TMEM26: variants seen among roughly 807,000 people sequenced by gnomAD.
TMEM26 encodes transmembrane protein 26.
In TMEM26, 38 loss-of-function variants were observed where a neutral mutation model predicts 28.8. The ratio of observed to expected loss-of-function variants is 1.32; its 90% CI spans 1.02 to 1.73. The LOEUF is 1.73. TMEM26 is among the 40% of genes most tolerant of loss of function. The pLI is 0.00. For missense variants in TMEM26, 518 were observed against 447.1 expected, an observed-to-expected ratio of 1.16 and a Z score of -1.43; for synonymous variants, 227 against 182.9, an observed-to-expected ratio of 1.24 and a Z score of -1.95.
At chr10:61,426,516 C>T (rs1426296163) in intron 4 of TMEM26, among the ~76,000 whole-genome samples, 1 of 151,622 alleles carries the variant, frequency 6.6e-6, no homozygotes, top group Non-Finnish European at 1.5e-5. Context: ...TCAATGTGAG[C>T]CAAAGGAAGG....
chr10:61,452,780 G>T, intron 1 of TMEM26, 111 bp downstream of exon 1: 2 of 1,339,352 alleles, frequency 1.5e-6, no homozygotes, highest in East Asian at 2.3e-5. Flanking sequence ...GAGGAAAAAC[G>T]GGGTCCAAAT....
rs1388819688 is a variant in TMEM26 at position 61,453,261 on chromosome 10, C to G, written c.-180G>C. On this transcript the variant is annotated 5_prime_UTR_variant, in exon 1 of 6. Transcript: ENST00000399298. ...ACTGGTGCGCGGCTCGCCCCTCCCC[C>G]AAACTTCCTGAGAACTCTTCAAAGA... The G allele has an allele frequency of 1.3e-5, 8 of 638,380 alleles. No individual in the cohort carries two copies. In the East Asian group the frequency reaches 1.9e-4, roughly 15 times the overall value. The allele number at this position is 638,380 out of a possible 1,614,324, so 39.5% of individuals were successfully genotyped here.
rs116457018 is a variant in TMEM26 at position 61,435,996 on chromosome 10, T to C, written c.270+174A>G. On this transcript the variant is annotated intron_variant, in intron 2 of 5. Transcript: ENST00000399298. ...TAAATGTAATTTTTTTATTGGAGTT[T>C]TTTTTTGGGGGGGCAAATCATGGAT... Among the ~76,000 whole-genome samples, 1,031 of 152,278 alleles carry C rather than the reference T, an allele frequency of 6.8e-3. 12 individuals are homozygous for C. The highest frequency in any genetic ancestry group is 0.024 in the African/African-American group (1,002 of 41,562).
intron 1 of TMEM26, among the ~76,000 whole-genome samples, chr10:61,438,044 T>G (rs1434009978): frequency 6.6e-6 from 1 of 152,142 alleles, no homozygotes; most frequent in African/African-American, 2.4e-5. Flanking sequence ...TTAGAATGAT[T>G]TTTTTAAAGG....
intron 5 of TMEM26, among the ~76,000 whole-genome samples, chr10:61,411,239 T>C (rs946247569): frequency 6.6e-6 from 1 of 152,178 alleles, no homozygotes; most frequent in African/African-American, 2.4e-5. Context: ...GGGCCACGGT[T>C]TCTTCCTTTG....
chr10:61,424,568 A>G (rs1271185726), intron 4 of TMEM26, among the ~76,000 whole-genome samples: 1 of 152,114 alleles, frequency 6.6e-6, no homozygotes, highest in Admixed American at 6.6e-5. Context: ...TTACAACTTG[A>G]AAAGAGAATT....
intron 2 of TMEM26, among the ~76,000 whole-genome samples, chr10:61,434,051 C>T (rs995194496): frequency 6.6e-6 from 1 of 152,158 alleles, no homozygotes; most frequent in Non-Finnish European, 1.5e-5. Context: ...TGATTATTAT[C>T]ACTCCCAAAA....
intron 4 of TMEM26, 49 bp downstream of exon 4, chr10:61,428,877 A>G (rs1385494026): frequency 2.0e-6 from 3 of 1,511,350 alleles, no homozygotes; most frequent in African/African-American, 1.4e-5. Flanking sequence ...AGACAGGTGC[A>G]TGGTCTTGAC....
At chr10:61,421,377 TA>T (rs1185446796) in intron 4 of TMEM26, among the ~76,000 whole-genome samples, 2 of 151,966 alleles carry the variant, frequency 1.3e-5, no homozygotes, top group African/African-American at 4.8e-5. Flanking sequence ...ATAATTACAT[TA>T]AATATTAATG....
At chr10:61,437,356 C>T (rs953550863) in intron 1 of TMEM26, among the ~76,000 whole-genome samples, 22 of 152,074 alleles carry the variant, frequency 1.4e-4, no homozygotes, top group South Asian at 4.1e-4. Flanking sequence ...TTTTACTTCC[C>T]GTAAAGCAGT....
chr10:61,419,899 G>A (rs1839715167), intron 4 of TMEM26, among the ~76,000 whole-genome samples: 1 of 152,064 alleles, frequency 6.6e-6, no homozygotes, highest in South Asian at 2.1e-4. Flanking sequence ...AAGCCAAAGA[G>A]GAAAGAAAAT....
chr10:61,452,859 C>A, intron 1 of TMEM26, 32 bp downstream of exon 1: 1 of 1,600,494 alleles, frequency 6.2e-7, no homozygotes. Context: ...CCTAGGGCCC[C>A]GTGCGCCCTC....
At chr10:61,421,981 T>A (rs1342321273) in intron 4 of TMEM26, among the ~76,000 whole-genome samples, 1 of 151,966 alleles carries the variant, frequency 6.6e-6, no homozygotes, top group Non-Finnish European at 1.5e-5. Context: ...AAAAAAGATA[T>A]CTCTATGCCA....
At chr10:61,428,189 G>T (rs1839862605) in intron 4 of TMEM26, among the ~76,000 whole-genome samples, 1 of 152,082 alleles carries the variant, frequency 6.6e-6, no homozygotes, top group African/African-American at 2.4e-5. Flanking sequence ...TATTTTTATG[G>T]CATAGTGCAA....
intron 4 of TMEM26, among the ~76,000 whole-genome samples, chr10:61,417,064 A>C (rs1839663466): frequency 6.6e-6 from 1 of 152,062 alleles, no homozygotes; most frequent in Non-Finnish European, 1.5e-5. Context: ...CAGACAGTAA[A>C]AATTCTCAGG....
chr10:61,435,343 G>C (rs533465593), intron 2 of TMEM26, among the ~76,000 whole-genome samples: 1 of 152,140 alleles, frequency 6.6e-6, no homozygotes, highest in Non-Finnish European at 1.5e-5. Flanking sequence ...ACCACGCCCA[G>C]ATAATTCTTG....
chr10:61,407,723 C>G lies in TMEM26; in HGVS notation c.*2599G>C, dbSNP rs1217763245. On this transcript the variant is annotated 3_prime_UTR_variant, in exon 6 of 6. Transcript: ENST00000399298. ...AACTATGGCAATAATACCAACAGCA[C>G]CAACAACCTCAAATAAGCCACTTTC... The G allele has an allele frequency of 6.6e-6, 1 of 152,102 alleles. No homozygotes were observed. Among genetic ancestry groups the G allele is most frequent in the African/African-American group, 2.4e-5 (1 of 41,418 alleles). 9.4% of individuals were successfully genotyped at this position (152,102 alleles called of 1,614,324 possible).
chr10:61,452,313 C>A (rs1840298931), intron 1 of TMEM26, among the ~76,000 whole-genome samples: 1 of 152,382 alleles, frequency 6.6e-6, no homozygotes, highest in Admixed American at 6.5e-5. Context: ...GCCAGCAAAC[C>A]CAGACACCTG....
intron 2 of TMEM26, 67 bp from the exon 3 acceptor site, chr10:61,431,399 A>T: frequency 8.9e-7 from 1 of 1,118,290 alleles, no homozygotes; most frequent in Non-Finnish European, 1.4e-6. Flanking sequence ...GATCAAAATG[A>T]CTTAAATCTG....
Sources: allele counts gnomAD v4.1 joint callset (sites outside exome capture counted in the v4.1 genomes callset), GRCh38; gene constraint gnomAD v4.1.1; transcripts MANE v1.5; gene names NCBI Gene and HGNC (gene_info 2026-07-23, HGNC 2026-07-21).